ELMO1: variants seen among roughly 807,000 people sequenced by gnomAD.
ELMO1 encodes the protein engulfment and cell motility protein 1.
ELMO1 carries 26 observed loss-of-function variants against 98.9 expected under a neutral mutation model. The ratio of observed to expected loss-of-function variants is 0.26; its 90% CI spans 0.19 to 0.36. The LOEUF (loss-of-function observed/expected upper bound fraction) is 0.36, where lower values mean the gene tolerates loss of function less well. Among genes scored for constraint, ELMO1 ranks in the 10% least tolerant of loss-of-function variants. ELMO1 has a pLI of 1.00. For synonymous variants in ELMO1, 346 were observed against 346.0 expected (o/e 1.00, Z 0.00); for missense variants, 627 against 935.2 (o/e 0.67, Z 4.30).
intron 13 of ELMO1, among the ~76,000 whole-genome samples, chr7:37,171,081 T>TA (rs1284594522): frequency 2.6e-5 from 4 of 152,354 alleles, no homozygotes; most frequent in African/African-American, 9.6e-5. Context: ...TCAGAAGACT[T>TA]AAACTTTCTT....
At position 36,853,504 on chromosome 7, in the gene ELMO1, A is replaced by G. The variant is rs898715753; in HGVS notation, c.*2047T>C. On this transcript the variant is annotated 3_prime_UTR_variant, in exon 22 of 22. Transcript: ENST00000310758. ...TTTTATCATGATGATGGGTAGATTA[A>G]TAACTGCTCCTGATAGCAAGTACAT... Among the ~76,000 whole-genome samples, 4 of 152,228 alleles carry G rather than the reference A, an allele frequency of 2.6e-5. No homozygotes were observed. The highest frequency in any genetic ancestry group is 7.2e-5 in the African/African-American group (3 of 41,470).
In ELMO1 at chr7:36,870,348, C is replaced by T. The variant is rs192257030; in HGVS notation, c.1905+45G>A. The T allele has an allele frequency of 4.6e-5, 73 of 1,590,564 alleles. No homozygotes were observed. The highest frequency in any genetic ancestry group is 2.5e-4 in the East Asian group (11 of 44,660). On this transcript the variant is annotated intron_variant, in intron 20 of 21. Coordinates refer to ENST00000310758, the MANE Select transcript of ELMO1 (RefSeq NM_014800.11). This position sits in a 1 kb window ranked among gnomAD's most constrained non-coding sequence, Gnocchi z 4.4. ...GGCTAGGCTGGCTGCAGTTGCCGAC[C>T]GCACTGGGCAAATAGAGCTATTTGC...
At chr7:36,964,632 T>C (rs1789253905) in intron 16 of ELMO1, among the ~76,000 whole-genome samples, 1 of 152,224 alleles carries the variant, frequency 6.6e-6, no homozygotes, top group Non-Finnish European at 1.5e-5. Context: ...ATTAGAATTA[T>C]GTAAGGCATT....
intron 14 of ELMO1, among the ~76,000 whole-genome samples, chr7:37,116,027 G>A (rs73335583): frequency 0.14 from 21,551 of 152,106 alleles, 1,934 homozygotes; most frequent in African/African-American, 0.25. Context: ...CAACTTTTCT[G>A]TAAACCTAAA....
intron 16 of ELMO1, among the ~76,000 whole-genome samples, chr7:36,929,973 A>C (rs1339473098): frequency 3.3e-5 from 5 of 152,248 alleles, no homozygotes; most frequent in Non-Finnish European, 7.3e-5. Context: ...GAAATAGTGC[A>C]TCTCCACAAG....
At chr7:37,376,955 G>A (rs1802374434) in intron 1 of ELMO1, among the ~76,000 whole-genome samples, 1 of 152,128 alleles carries the variant, frequency 6.6e-6, no homozygotes, top group African/African-American at 2.4e-5. Flanking sequence ...CAATGCTCCT[G>A]GACTTTCAAT....
intron 15 of ELMO1, among the ~76,000 whole-genome samples, chr7:37,018,220 G>A (rs1325747676): frequency 2.0e-5 from 3 of 151,308 alleles, no homozygotes; most frequent in Non-Finnish European, 4.4e-5. Context: ...TCCGCCTCCT[G>A]GGTTCAAGAG....
In ELMO1 at chr7:36,946,172, A is replaced by C. The variant is rs190154917; in HGVS notation, c.1438-51155T>G. 3.3e-3 allele frequency among the ~76,000 whole-genome samples: 506 copies of C among 152,392 alleles called. 3 individuals carry two copies. The highest frequency in any genetic ancestry group is 0.012 in the African/African-American group (482 of 41,598). On this transcript the variant is annotated intron_variant, in intron 16 of 21. Transcript: ENST00000310758. ...CTGCTGCCATCTGTGGCGTTTCTGCAGCAGACAGGTTATTTATAGAAACTT... is the reference window on the plus strand; with the variant it reads ...CTGCTGCCATCTGTGGCGTTTCTGCCGCAGACAGGTTATTTATAGAAACTT...
At chr7:37,159,669 G>A (rs1469002207) in intron 13 of ELMO1, among the ~76,000 whole-genome samples, 16 of 151,974 alleles carry the variant, frequency 1.1e-4, no homozygotes, top group African/African-American at 3.4e-4. Context: ...ACTGCACTCC[G>A]GCCAGGGTGA....
At chr7:37,249,661 G>A (rs920329951) in intron 6 of ELMO1, among the ~76,000 whole-genome samples, 118 of 152,296 alleles carry the variant, frequency 7.7e-4, no homozygotes, top group African/African-American at 2.6e-3. Context: ...ATTTCTGCAA[G>A]CTATTGGGCT....
intron 16 of ELMO1, among the ~76,000 whole-genome samples, chr7:36,961,417 G>A (rs1299527173): frequency 6.6e-6 from 1 of 152,156 alleles, no homozygotes; most frequent in African/African-American, 2.4e-5. Flanking sequence ...CTATTTTTCA[G>A]AAGTGATATT....
chr7:36,951,991 A>T (rs977153672), intron 16 of ELMO1, among the ~76,000 whole-genome samples: 3 of 152,180 alleles, frequency 2.0e-5, no homozygotes, highest in African/African-American at 4.8e-5. Context: ...TCTATGTGGA[A>T]GTCAGGAAGT....
chr7:37,445,264 C>A (rs748467183), intron 1 of ELMO1, among the ~76,000 whole-genome samples: 8 of 152,226 alleles, frequency 5.3e-5, no homozygotes, highest in Non-Finnish European at 1.0e-4. Context: ...ACACTCCAGG[C>A]TTTGTGATGC....
At chr7:37,012,461 G>A (rs1462120291) in intron 16 of ELMO1, among the ~76,000 whole-genome samples, 2 of 152,190 alleles carry the variant, frequency 1.3e-5, no homozygotes, top group Non-Finnish European at 2.9e-5. Context: ...GGTGAGAGTG[G>A]TCATGGGTGA....
At chr7:37,254,809 T>A (rs191675185) in intron 6 of ELMO1, among the ~76,000 whole-genome samples, 8 of 152,348 alleles carry the variant, frequency 5.3e-5, no homozygotes, top group Admixed American at 4.6e-4. Context: ...CTCCTTTTTT[T>A]AAGAAAGGCA....
chr7:36,893,397 C>A (rs765236555), intron 17 of ELMO1, among the ~76,000 whole-genome samples: 48 of 152,234 alleles, frequency 3.2e-4, no homozygotes, highest in Non-Finnish European at 5.7e-4. Flanking sequence ...CCCAGTGGTG[C>A]CTCTTGTCAA....
At chr7:37,259,115 T>TGTA (rs2130794003) in intron 6 of ELMO1, 66 bp downstream of exon 6, 1 of 1,526,670 alleles carries the variant, frequency 6.6e-7, no homozygotes. Context: ...GTGTAAGGCA[T>TGTA]GTAACAATAT....
At chr7:36,952,152 G>C (rs1327105721) in intron 16 of ELMO1, among the ~76,000 whole-genome samples, 1 of 152,216 alleles carries the variant, frequency 6.6e-6, no homozygotes, top group Non-Finnish European at 1.5e-5. Context: ...TCTGAGGCCT[G>C]CATCTACTCC....
At chr7:37,444,127 C>G (rs1192266240) in intron 1 of ELMO1, among the ~76,000 whole-genome samples, 1 of 152,066 alleles carries the variant, frequency 6.6e-6, no homozygotes, top group Non-Finnish European at 1.5e-5. Flanking sequence ...GAGTTGTCAG[C>G]CTTTGACTTT....
Sources: allele counts gnomAD v4.1 joint callset (sites outside exome capture counted in the v4.1 genomes callset), GRCh38; gene constraint gnomAD v4.1.1; non-coding constraint Gnocchi (gnomAD v3.1); transcripts MANE v1.5; gene names NCBI Gene and HGNC (gene_info 2026-07-23, HGNC 2026-07-21).